The following ANAPC10 variants were observed in gnomAD, a reference collection of about 807,000 sequenced individuals.
The protein encoded by ANAPC10 is anaphase-promoting complex subunit 10.
A neutral mutation model predicts 22.0 loss-of-function variants in ANAPC10; 12 were observed. The ratio of observed to expected loss-of-function variants is 0.55; its 90% CI spans 0.35 to 0.88. The LOEUF (loss-of-function observed/expected upper bound fraction) is 0.88, where lower values mean the gene tolerates loss of function less well. Ranked by LOEUF, ANAPC10 falls within the 40% of genes least tolerant of loss-of-function variation. ANAPC10 has a pLI of 0.01. For missense variants in ANAPC10, 188 were observed against 220.9 expected, an observed-to-expected ratio of 0.85 and a Z score of 0.94; for synonymous variants, 65 against 69.5, an observed-to-expected ratio of 0.94 and a Z score of 0.32.
chr4:145,054,630 TGTGTGTGTGTGCGC>T (rs1397911637), intron 4 of ANAPC10, among the ~76,000 whole-genome samples: 5 of 124,990 alleles, frequency 4.0e-5, no homozygotes, highest in South Asian at 2.4e-4. Context: ...TGTGTGTGTG[TGTGTGTGTGTGCGC>T]GCGCGCGCGC....
chr4:145,092,207 T>C (rs944256689), intron 2 of ANAPC10, among the ~76,000 whole-genome samples: 2 of 152,102 alleles, frequency 1.3e-5, no homozygotes, highest in East Asian at 3.9e-4. Flanking sequence ...AAATAGCTAA[T>C]GCATGCTGGG....
At chr4:145,001,513 T>A (rs1365155797) in intron 4 of ANAPC10, among the ~76,000 whole-genome samples, 1 of 152,148 alleles carries the variant, frequency 6.6e-6, no homozygotes, top group African/African-American at 2.4e-5. Context: ...TTTTACAAAA[T>A]GAAGAGTTTT....
At chr4:145,061,415 A>G (rs1742868386) in intron 4 of ANAPC10, among the ~76,000 whole-genome samples, 1 of 152,202 alleles carries the variant, frequency 6.6e-6, no homozygotes, top group Non-Finnish European at 1.5e-5. Flanking sequence ...CCAAAAATGC[A>G]TCAAAGAGTT....
rs141751557 is a variant in ANAPC10 at position 145,008,085 on chromosome 4, G to C, written c.328-12482C>G. On this transcript the variant is annotated intron_variant, in intron 4 of 4. Coordinates refer to ENST00000507656, the MANE Select transcript of ANAPC10 (RefSeq NM_001256706.2). ...CTATGCAAATAAACTAGAAGATGAA[G>C]AAGAAATGGATAAATTCCTGGACAC... Among the ~76,000 whole-genome samples, 753 of 152,116 alleles carry C rather than the reference G, an allele frequency of 5.0e-3. 6 individuals carry two copies. Among genetic ancestry groups the C allele is most frequent in the African/African-American group, 0.018 (736 of 41,500 alleles).
intron 3 of ANAPC10, 126 bp from the exon 4 acceptor site, chr4:145,064,818 T>C: frequency 1.2e-6 from 1 of 814,400 alleles, no homozygotes; most frequent in African/African-American, 1.7e-5. Context: ...TTTTCATATC[T>C]TTTAATTTCA....
At chr4:145,027,014 T>C (rs1245817135) in intron 4 of ANAPC10, among the ~76,000 whole-genome samples, 1 of 67,570 alleles carries the variant, frequency 1.5e-5, no homozygotes, top group East Asian at 6.2e-4. Context: ...TTTTTTTTTT[T>C]TTTTTTTGAG....
intron 2 of ANAPC10, among the ~76,000 whole-genome samples, chr4:145,089,290 G>C (rs1265439777): frequency 6.6e-6 from 1 of 151,714 alleles, no homozygotes; most frequent in Admixed American, 6.6e-5. Flanking sequence ...AACCTTCTAA[G>C]AATTAACTCA....
chr4:145,032,137 C>A (rs1560848020), intron 4 of ANAPC10, among the ~76,000 whole-genome samples: 1 of 152,166 alleles, frequency 6.6e-6, no homozygotes, highest in Non-Finnish European at 1.5e-5. Context: ...GAAGAGAAGA[C>A]CAGGACCTGG....
chr4:145,081,562 T>G, intron 3 of ANAPC10, 98 bp downstream of exon 3: 1 of 773,954 alleles, frequency 1.3e-6, no homozygotes, highest in Non-Finnish European at 2.1e-6. Flanking sequence ...GTTAAGTGTA[T>G]TTCATTGTAA....
intron 4 of ANAPC10, among the ~76,000 whole-genome samples, chr4:145,000,954 A>G (rs1732440495): frequency 6.6e-6 from 1 of 152,012 alleles, no homozygotes; most frequent in South Asian, 2.1e-4. Flanking sequence ...ACAGAAAACC[A>G]AACACCGCAT....
At chr4:145,039,980 T>A (rs1285089075) in intron 4 of ANAPC10, among the ~76,000 whole-genome samples, 1 of 152,180 alleles carries the variant, frequency 6.6e-6, no homozygotes, top group East Asian at 1.9e-4. Flanking sequence ...AGAGCAAGAA[T>A]TCAAACTCCA....
At chr4:145,030,837 A>G (rs1737471654) in intron 4 of ANAPC10, among the ~76,000 whole-genome samples, 1 of 152,204 alleles carries the variant, frequency 6.6e-6, no homozygotes, top group Non-Finnish European at 1.5e-5. Flanking sequence ...TGCCACCATC[A>G]AGGACTTGAA....
At chr4:145,050,182 T>C (rs1349532287) in intron 4 of ANAPC10, among the ~76,000 whole-genome samples, 2 of 152,232 alleles carry the variant, frequency 1.3e-5, no homozygotes. Context: ...ATCCATGGGC[T>C]GCAGAATACA....
chr4:145,002,967 T>C (rs1046923910), intron 4 of ANAPC10, among the ~76,000 whole-genome samples: 2 of 152,142 alleles, frequency 1.3e-5, no homozygotes, highest in Non-Finnish European at 2.9e-5. Context: ...GTCACCCAGG[T>C]AGTAGGCATA....
At chr4:145,044,328 T>C (rs1445059439) in intron 4 of ANAPC10, among the ~76,000 whole-genome samples, 1 of 151,844 alleles carries the variant, frequency 6.6e-6, no homozygotes, top group Non-Finnish European at 1.5e-5. Flanking sequence ...AGAACAAGGG[T>C]AAAAAAATGA....
chr4:145,017,265 A>T (rs1481731517), intron 4 of ANAPC10, among the ~76,000 whole-genome samples: 4 of 152,226 alleles, frequency 2.6e-5, no homozygotes, highest in Non-Finnish European at 5.9e-5. Context: ...GAACTCAAAC[A>T]AATTTACAAG....
intron 4 of ANAPC10, chr4:145,064,106 C>T (rs988960684): frequency 1.3e-5 from 2 of 152,080 alleles, no homozygotes; most frequent in South Asian, 2.1e-4. Flanking sequence ...AAGTAATATA[C>T]TTAAGATTAT....
intron 4 of ANAPC10, among the ~76,000 whole-genome samples, chr4:145,051,676 A>T (rs1741124390): frequency 6.6e-6 from 1 of 152,180 alleles, no homozygotes; most frequent in Admixed American, 6.5e-5. Context: ...TTCATGAAAA[A>T]TTCATGCAGT....
At chr4:145,022,095 T>C (rs1736042533) in intron 4 of ANAPC10, among the ~76,000 whole-genome samples, 1 of 152,180 alleles carries the variant, frequency 6.6e-6, no homozygotes, top group Non-Finnish European at 1.5e-5. Flanking sequence ...GAAAACAGTA[T>C]GGAGATTCCT....
Sources: gnomAD v4.1 joint callset for allele counts (sites outside exome capture counted in the v4.1 genomes callset) on GRCh38, gnomAD v4.1.1 for gene constraint, MANE v1.5 for transcripts, NCBI Gene and HGNC (gene_info 2026-07-23, HGNC 2026-07-21) for gene names.